NEBL: variants seen among roughly 807,000 people sequenced by gnomAD.
NEBL encodes nebulette.
In NEBL, 122 loss-of-function variants were observed where a neutral mutation model predicts 140.2. The observed-to-expected ratio is 0.87, with a 90% CI of 0.75 to 1.01. NEBL has a LOEUF of 1.01. NEBL is among the 50% of genes least tolerant of loss of function. NEBL has a pLI of 0.00. For missense variants in NEBL, 1,365 were observed against 1,231.3 expected (o/e 1.11, Z -1.62); for synonymous variants, 436 against 398.9 (o/e 1.09, Z -1.11).
chr10:20,941,475 T>C lies in NEBL; in HGVS notation c.357+20197A>G, dbSNP rs542368290. ...ATCTATGACAAACCCACAGCCAATATCATACCAAATGGGCAAAAAGTGGAA... is the reference window on the plus strand; with the variant it reads ...ATCTATGACAAACCCACAGCCAATACCATACCAAATGGGCAAAAAGTGGAA... On this transcript the variant is annotated intron_variant, in intron 4 of 6. Coordinates refer to the NEBL transcript ENST00000417816. 7.2e-5 allele frequency among the ~76,000 whole-genome samples: 11 copies of C among 152,254 alleles called. No homozygotes were observed. The South Asian group carries it at 1.7e-3, about 23-fold the overall frequency.
rs1201775144 is a variant in NEBL at position 21,120,393 on chromosome 10, C to CATATATATATATATATAT, written c.164+51972_164+51989dup. ...GTGTCTCAAAAAAAAAAAAAAAATA[C>CATATATATATATATATAT]ATATATATATATATATATATATATA... On this transcript the variant is annotated intron_variant, in intron 2 of 6. Transcript: ENST00000417816. 2.0e-3 allele frequency among the ~76,000 whole-genome samples: 118 copies of CATATATATATATATATAT among 59,474 alleles called. 1 individual carries two copies. The highest frequency in any genetic ancestry group is 3.8e-3 in the South Asian group (5 of 1,332). 39.0% of individuals were successfully genotyped at this position (59,474 alleles called of 152,430 possible).
intron 3 of NEBL, chr10:20,961,795 A>C (rs763957994): frequency 1.3e-6 from 2 of 1,588,630 alleles, no homozygotes; most frequent in Admixed American, 1.7e-5. Context: ...AAGAAGGGGG[A>C]AAAGAAAAGT....
At chr10:21,022,896 C>T (rs967474514) in intron 2 of NEBL, among the ~76,000 whole-genome samples, 7 of 152,186 alleles carry the variant, frequency 4.6e-5, no homozygotes, top group Admixed American at 6.5e-5. Context: ...TTGATTCAAA[C>T]GAGTAAGGTG....
At chr10:21,077,432 C>T (rs1053881540) in intron 2 of NEBL, among the ~76,000 whole-genome samples, 4 of 151,966 alleles carry the variant, frequency 2.6e-5, no homozygotes, top group South Asian at 2.1e-4. Flanking sequence ...ATGGTGAAAC[C>T]CCATCTCTAC....
chr10:20,817,248 T>C (rs960584572), intron 21 of NEBL, among the ~76,000 whole-genome samples: 26 of 152,238 alleles, frequency 1.7e-4, no homozygotes, highest in African/African-American at 5.8e-4. Context: ...GTGCCTGTAA[T>C]CCCAGCTGCT....
chr10:21,045,323 G>T (rs949409093), intron 2 of NEBL, among the ~76,000 whole-genome samples: 1 of 152,138 alleles, frequency 6.6e-6, no homozygotes, highest in East Asian at 1.9e-4. Flanking sequence ...CACATTTAAA[G>T]AAATATGTTC....
At chr10:21,094,157 G>A (rs1837051982) in intron 2 of NEBL, among the ~76,000 whole-genome samples, 1 of 152,094 alleles carries the variant, frequency 6.6e-6, no homozygotes, top group African/African-American at 2.4e-5. Context: ...AGGAGTTCAA[G>A]ACCAGCCTGG....
In NEBL at chr10:21,002,478, T is replaced by C. The variant is rs1030271058; in HGVS notation, c.249+17639A>G. Among the ~76,000 whole-genome samples the C allele has an allele frequency of 2.0e-5, 3 of 152,282 alleles. No individual in the cohort carries two copies. In the East Asian group the frequency reaches 5.8e-4, roughly 29 times the overall value. On this transcript the variant is annotated intron_variant, in intron 3 of 6. Coordinates refer to the NEBL transcript ENST00000417816. ...CAGAAATAAATTCTTAAATTATAAA[T>C]CAACAGAAAATTAAAGATTTAAAAT...
At chr10:21,172,309 C>G (rs761661098) in intron 2 of NEBL, 77 of 1,206,058 alleles carry the variant, frequency 6.4e-5, no homozygotes, top group Non-Finnish European at 9.2e-5. Flanking sequence ...GTCAGTTCTT[C>G]AAAACAGGCA....
chr10:21,210,935 C>T (rs1841905495), intron 3 of NEBL, among the ~76,000 whole-genome samples: 1 of 152,202 alleles, frequency 6.6e-6, no homozygotes. Context: ...TTAATTTTAG[C>T]TGGGTTGCAC....
At chr10:21,032,566 T>A (rs372467659) in intron 2 of NEBL, among the ~76,000 whole-genome samples, 1 of 152,294 alleles carries the variant, frequency 6.6e-6, no homozygotes, top group East Asian at 1.9e-4. Flanking sequence ...TTGCAAACCA[T>A]CAATTTTATA....
chr10:20,997,112 CTGTT>C (rs1231831380), intron 3 of NEBL, among the ~76,000 whole-genome samples: 1 of 152,224 alleles, frequency 6.6e-6, no homozygotes. Context: ...TTTACTATCA[CTGTT>C]TGTCCATCAG....
intron 4 of NEBL, among the ~76,000 whole-genome samples, chr10:20,943,311 C>G (rs1375491495): frequency 6.6e-6 from 1 of 152,108 alleles, no homozygotes; most frequent in African/African-American, 2.4e-5. Context: ...AAGCTGGAAA[C>G]CCATCATTCT....
intron 9 of NEBL, 43 bp from the exon 10 acceptor site, chr10:20,852,692 T>A (rs1467916643): frequency 7.0e-7 from 1 of 1,426,324 alleles, no homozygotes; most frequent in East Asian, 2.3e-5. Flanking sequence ...TCAAAGAGAC[T>A]GATTAGAGCA....
At chr10:21,124,077 A>C (rs962612815) in intron 2 of NEBL, among the ~76,000 whole-genome samples, 1 of 152,112 alleles carries the variant, frequency 6.6e-6, no homozygotes, top group Admixed American at 6.6e-5. Context: ...AGAATTTCAT[A>C]TAATTCCTTA....
intron 14 of NEBL, among the ~76,000 whole-genome samples, chr10:20,834,156 GA>G (rs1249037958): frequency 6.6e-6 from 1 of 151,876 alleles, no homozygotes; most frequent in East Asian, 1.9e-4. Context: ...AAGGAACATG[GA>G]AAAAAATCCT....
chr10:20,911,853 G>C (rs1301254556), intron 4 of NEBL, among the ~76,000 whole-genome samples: 1 of 152,202 alleles, frequency 6.6e-6, no homozygotes, highest in Non-Finnish European at 1.5e-5. Context: ...CTCATGAGGA[G>C]TTCAAGCTTG....
At chr10:21,152,142 G>A (rs1277668232) in intron 2 of NEBL, among the ~76,000 whole-genome samples, 1 of 152,054 alleles carries the variant, frequency 6.6e-6, no homozygotes, top group African/African-American at 2.4e-5. Context: ...AGTCTTCCAG[G>A]GCCTGCGAGG....
intron 4 of NEBL, among the ~76,000 whole-genome samples, chr10:20,918,190 C>A (rs998392017): frequency 1.3e-5 from 2 of 152,026 alleles, no homozygotes. Flanking sequence ...GAAACCCTGT[C>A]GCTACTAAAA....
Sources: gnomAD v4.1 joint callset for allele counts (sites outside exome capture counted in the v4.1 genomes callset) on GRCh38, gnomAD v4.1.1 for gene constraint, MANE v1.5 for transcripts, NCBI Gene and HGNC (gene_info 2026-07-23, HGNC 2026-07-21) for gene names.